FTO: variants seen among roughly 807,000 people sequenced by gnomAD.
FTO encodes FTO alpha-ketoglutarate dependent dioxygenase.
In FTO, 47 loss-of-function variants were observed where a neutral mutation model predicts 63.9. The ratio of observed to expected loss-of-function variants is 0.74; its 90% CI spans 0.58 to 0.94. FTO has a LOEUF of 0.94. Ranked by LOEUF, FTO falls within the 40% of genes least tolerant of loss-of-function variation. The pLI is 0.00. For missense variants in FTO, 562 were observed against 618.1 expected (o/e 0.91, Z 0.96); for synonymous variants, 207 against 224.4 (o/e 0.92, Z 0.69).
At chr16:54,059,361 T>G (rs1413960098) in intron 8 of FTO, among the ~76,000 whole-genome samples, 2 of 152,232 alleles carry the variant, frequency 1.3e-5, no homozygotes, top group Non-Finnish European at 2.9e-5. Flanking sequence ...GTCATCTCTT[T>G]GCAGGGCCTT....
chr16:53,919,932 AAAG>A (rs1237322643), intron 7 of FTO, among the ~76,000 whole-genome samples: 4 of 152,180 alleles, frequency 2.6e-5, no homozygotes, highest in African/African-American at 9.7e-5. Context: ...AATCACCACT[AAAG>A]AATTTATTCA....
intron 8 of FTO, among the ~76,000 whole-genome samples, chr16:54,105,027 G>T (rs2086718723): frequency 6.6e-6 from 1 of 152,152 alleles, no homozygotes; most frequent in African/African-American, 2.4e-5. Flanking sequence ...TGTGTTATTT[G>T]ATTTTATCTT....
chr16:53,818,433 C>A (rs1055620254), intron 2 of FTO, among the ~76,000 whole-genome samples: 3 of 151,820 alleles, frequency 2.0e-5, no homozygotes, highest in Non-Finnish European at 2.9e-5. Flanking sequence ...CCATTTAGAG[C>A]CATCAGAAAG....
At chr16:53,844,434 C>A in intron 4 of FTO, 136 bp downstream of exon 4, 1 of 724,712 alleles carries the variant, frequency 1.4e-6, no homozygotes, top group Non-Finnish European at 2.3e-6. Flanking sequence ...TTTATAAGAA[C>A]ATGTAACTAG....
intron 3 of FTO, among the ~76,000 whole-genome samples, chr16:53,843,595 TTC>T (rs2079534840): frequency 6.6e-6 from 1 of 152,208 alleles, no homozygotes; most frequent in Non-Finnish European, 1.5e-5. Context: ...TAGAAAAACA[TTC>T]CTTGGCTGTT....
At chr16:53,922,284 C>T (rs186802362) in intron 7 of FTO, among the ~76,000 whole-genome samples, 1 of 152,200 alleles carries the variant, frequency 6.6e-6, no homozygotes, top group Admixed American at 6.5e-5. Context: ...AGCAGCATAT[C>T]CCAAGGAAGG....
chr16:53,950,919 C>G (rs547585184), intron 8 of FTO, among the ~76,000 whole-genome samples: 2 of 152,184 alleles, frequency 1.3e-5, no homozygotes, highest in East Asian at 1.9e-4. Flanking sequence ...CACCTAGGCT[C>G]TTTCCTACAG....
At chr16:53,855,052 T>C (rs1413381866) in intron 4 of FTO, among the ~76,000 whole-genome samples, 1 of 151,630 alleles carries the variant, frequency 6.6e-6, no homozygotes, top group African/African-American at 2.4e-5. Flanking sequence ...TTTTTAGCTA[T>C]TATCAAAGGG....
At chr16:54,040,503 C>A (rs1242884299) in intron 8 of FTO, 5 of 152,124 alleles carry the variant, frequency 3.3e-5, no homozygotes, top group African/African-American at 1.2e-4. Flanking sequence ...GTGGGAGAAA[C>A]CCGTGTTAAA....
intron 7 of FTO, among the ~76,000 whole-genome samples, chr16:53,915,471 C>T (rs960578940): frequency 3.9e-5 from 6 of 152,188 alleles, no homozygotes; most frequent in Admixed American, 1.3e-4. Flanking sequence ...GTTTGGTGGG[C>T]AACAATCGGG....
At chr16:53,755,428 G>A (rs1006289435) in intron 1 of FTO, among the ~76,000 whole-genome samples, 5 of 152,096 alleles carry the variant, frequency 3.3e-5, no homozygotes, top group Non-Finnish European at 7.4e-5. Context: ...CGTCCATTGA[G>A]GTGTACTTGA....
intron 1 of FTO, among the ~76,000 whole-genome samples, chr16:53,775,930 G>A (rs894453711): frequency 6.6e-6 from 1 of 151,738 alleles, no homozygotes; most frequent in Non-Finnish European, 1.5e-5. Context: ...TATACTCTCC[G>A]CTCCTTTTTA....
In FTO at chr16:53,961,086, T is replaced by C. The variant is rs552596167; in HGVS notation, c.1364+26977T>C. Among the ~76,000 whole-genome samples the C allele has an allele frequency of 3.3e-5, 5 of 152,086 alleles. No homozygotes were observed. In the South Asian group the frequency reaches 1.0e-3, roughly 32 times the overall value. On this transcript the variant is annotated intron_variant, in intron 8 of 8. Coordinates refer to ENST00000471389, the MANE Select transcript of FTO (RefSeq NM_001080432.3). ...GCTGCAGTGCCTACATTGCTCCAGTTCACCTGTAGCCAACCTGACGCCAGT... is the reference window on the plus strand; with the variant it reads ...GCTGCAGTGCCTACATTGCTCCAGTCCACCTGTAGCCAACCTGACGCCAGT...
At chr16:53,983,710 T>C (rs1234377974) in intron 8 of FTO, among the ~76,000 whole-genome samples, 3 of 149,842 alleles carry the variant, frequency 2.0e-5, no homozygotes, top group African/African-American at 7.4e-5. Flanking sequence ...CATTAGGGAG[T>C]TGTGGGGACA....
At chr16:53,732,688 C>T (rs962170314) in intron 1 of FTO, among the ~76,000 whole-genome samples, 2 of 152,100 alleles carry the variant, frequency 1.3e-5, no homozygotes, top group Non-Finnish European at 2.9e-5. Context: ...GAGAGAGGTG[C>T]CTGAGGCAGA....
intron 1 of FTO, among the ~76,000 whole-genome samples, chr16:53,756,459 G>T (rs924887576): frequency 2.6e-4 from 39 of 152,266 alleles, no homozygotes; most frequent in African/African-American, 9.1e-4. Flanking sequence ...TTGCATCAGA[G>T]TGTTTATATT....
chr16:53,788,641 C>G (rs1199076483), intron 1 of FTO, among the ~76,000 whole-genome samples: 1 of 151,340 alleles, frequency 6.6e-6, no homozygotes, highest in Non-Finnish European at 1.5e-5. Context: ...TTTTTCATGC[C>G]CAACCTCTAT....
In FTO at chr16:53,748,256, T is replaced by G. The variant is rs367924493; in HGVS notation, c.45+44027T>G. ...TGAATGTGTAGATTGCTTTGGGTAG[T>G]ATGGACATTTTAACAATATTAATTC... On this transcript the variant is annotated intron_variant, in intron 1 of 8. Transcript: ENST00000471389. Among the ~76,000 whole-genome samples, 36 of 151,780 alleles carry G rather than the reference T, an allele frequency of 2.4e-4. No homozygotes were observed. In the East Asian group the frequency reaches 3.9e-3, roughly 16 times the overall value.
At chr16:53,770,907 G>T (rs893330651) in intron 1 of FTO, among the ~76,000 whole-genome samples, 1 of 152,042 alleles carries the variant, frequency 6.6e-6, no homozygotes, top group Non-Finnish European at 1.5e-5. Flanking sequence ...GGGTGTTTGC[G>T]AGACGTTGTT....
Sources: allele counts gnomAD v4.1 joint callset (sites outside exome capture counted in the v4.1 genomes callset), GRCh38; gene constraint gnomAD v4.1.1; transcripts MANE v1.5; gene names NCBI Gene and HGNC (gene_info 2026-07-23, HGNC 2026-07-21).